The following NCAPG2 variants were observed in gnomAD, a reference collection of about 807,000 sequenced individuals.
NCAPG2 encodes the protein condensin-2 complex subunit G2.
A neutral mutation model predicts 141.1 loss-of-function variants in NCAPG2; 53 were observed. The ratio of observed to expected loss-of-function variants is 0.38; its 90% confidence interval spans 0.30 to 0.47. NCAPG2 has a LOEUF of 0.47. Ranked by LOEUF, NCAPG2 falls within the 20% of genes least tolerant of loss-of-function variation. NCAPG2 has a pLI of 0.99. For missense variants in NCAPG2, 1,087 were observed against 1,389.0 expected (o/e 0.78, Z 3.46); for synonymous variants, 499 against 490.7 (o/e 1.02, Z -0.22).
chr7:158,633,061 G>A lies in NCAPG2; in HGVS notation c.3381-1344C>T, dbSNP rs564158071. Among the ~76,000 whole-genome samples, 1 of 151,896 alleles carries A rather than the reference G, an allele frequency of 6.6e-6. No individual in the cohort carries two copies. The highest frequency in any genetic ancestry group is 1.5e-5 in the Non-Finnish European group (1 of 67,988). Reference sequence around the variant, plus strand: ...GAATCTTATCCATAATTATTTAGCTGTGATTTTTTTTTTCCATCAATCCAG... The same window carrying A: ...GAATCTTATCCATAATTATTTAGCTATGATTTTTTTTTTCCATCAATCCAG... On this transcript the variant is annotated intron_variant, in intron 27 of 27. Transcript: ENST00000356309. The surrounding 1 kb of genome is among the most constrained non-coding windows in gnomAD (Gnocchi z 4.1).
At chr7:158,637,221 G>GTT (rs2129455901) in intron 27 of NCAPG2, among the ~76,000 whole-genome samples, 1 of 152,208 alleles carries the variant, frequency 6.6e-6, no homozygotes, top group African/African-American at 2.4e-5. Context: ...TGCTGAGAGG[G>GTT]TTTCTTCTTA....
At chr7:158,631,815 C>G in intron 27 of NCAPG2, 98 bp from the exon 28 acceptor site, 1 of 1,016,196 alleles carries the variant, frequency 9.8e-7, no homozygotes, top group Non-Finnish European at 1.5e-6. Flanking sequence ...GGTTTGCAAC[C>G]ATGCATTTAA....
At chr7:158,672,134 G>C (rs1422878451) in intron 12 of NCAPG2, among the ~76,000 whole-genome samples, 3 of 151,906 alleles carry the variant, frequency 2.0e-5, no homozygotes, top group Non-Finnish European at 4.4e-5. Flanking sequence ...CCACGTAGCA[G>C]GTGGCACTCC....
At chr7:158,675,978 C>T (rs1380755766) in intron 11 of NCAPG2, among the ~76,000 whole-genome samples, 1 of 152,196 alleles carries the variant, frequency 6.6e-6, no homozygotes, top group Admixed American at 6.5e-5. Context: ...CCCACGTACA[C>T]CACGCTTTTG....
At chr7:158,657,513 C>T (rs112052358) in intron 17 of NCAPG2, among the ~76,000 whole-genome samples, 1,526 of 152,256 alleles carry the variant, frequency 0.01, 18 homozygotes, top group African/African-American at 0.031. Flanking sequence ...TTGAAAATCA[C>T]ATCCTTGAGG....
At position 158,662,245 on chromosome 7, in the gene NCAPG2, G is replaced by A. The variant is rs1465452329; in HGVS notation, c.1938C>T (p.Tyr646=). The A allele has an allele frequency of 1.9e-6, 3 of 1,609,820 alleles. No homozygotes were observed. Among genetic ancestry groups the A allele is most frequent in the Non-Finnish European group, 2.5e-6 (3 of 1,178,590 alleles). Residue 646 remains tyrosine, a synonymous_variant, in exon 16 of 28, where the codon TAC becomes TAT. Coordinates refer to ENST00000356309, the MANE Select transcript of NCAPG2 (RefSeq NM_017760.7). ...GCACAGAGGCAAACTTGTTAATCGT[G>A]TAAAGTTTGGCCTCTTTATTATTTT... ...SMENNKEAKL[Y]TINKFASVLP...
intron 7 of NCAPG2, 59 bp from the exon 8 acceptor site, chr7:158,686,300 GT>G: frequency 9.7e-7 from 1 of 1,028,474 alleles, no homozygotes; most frequent in South Asian, 1.7e-5. Context: ...CTTTCAACAT[GT>G]ATCATTTCAG....
chr7:158,662,028 G>A (rs1238104041), intron 16 of NCAPG2, among the ~76,000 whole-genome samples, 166 bp downstream of exon 16: 1 of 152,152 alleles, frequency 6.6e-6, no homozygotes, highest in African/African-American at 2.4e-5. Context: ...CCCTCAAGAG[G>A]GGCAACAGAA....
At chr7:158,652,564 T>A in intron 22 of NCAPG2, 84 bp from the exon 23 acceptor site, 1 of 1,083,908 alleles carries the variant, frequency 9.2e-7, no homozygotes, top group Non-Finnish European at 1.3e-6. Context: ...AACACATGTA[T>A]AAAATGGTAA....
At chr7:158,658,317 A>G (rs200358989) in intron 17 of NCAPG2, 21 bp downstream of exon 17, 1 of 1,594,486 alleles carries the variant, frequency 6.3e-7, no homozygotes, top group Non-Finnish European at 8.6e-7. Context: ...TTTCTACCGT[A>G]CCAAAAAACA....
At chr7:158,702,054 C>T (rs952258810) in intron 1 of NCAPG2, 116 bp from the exon 2 acceptor site, 17 of 577,482 alleles carry the variant, frequency 2.9e-5, no homozygotes, top group Non-Finnish European at 3.8e-5. Context: ...GTATGGCAGA[C>T]AGTTTCTAAA....
In NCAPG2 at chr7:158,671,430, G is replaced by A. The variant is rs966650346; in HGVS notation, c.1479+84C>T. ...ATCATATCAGTTATCAGTTTAAAAT[G>A]TGGAATTAAAACTACTTTCTTTCTG... On this transcript the variant is annotated intron_variant, in intron 13 of 27. Transcript: ENST00000356309. The A allele has an allele frequency of 2.0e-6, 3 of 1,487,252 alleles. No individual in the cohort carries two copies. In the African/African-American group the frequency reaches 4.2e-5, roughly 21 times the overall value. The allele number at this position is 1,487,252 out of a possible 1,614,324, so 92.1% of individuals were successfully genotyped here.
At chr7:158,693,056 C>T (rs1412146883) in intron 3 of NCAPG2, 100 bp from the exon 4 acceptor site, 1 of 904,842 alleles carries the variant, frequency 1.1e-6, no homozygotes, top group Non-Finnish European at 1.7e-6. Flanking sequence ...AATCAAGCCA[C>T]AATTCTAGCT....
chr7:158,638,253 G>C (rs1291016415), intron 27 of NCAPG2, among the ~76,000 whole-genome samples: 2 of 152,082 alleles, frequency 1.3e-5, no homozygotes, highest in African/African-American at 4.8e-5. Context: ...ATTGTTTTTT[G>C]TTTGTTTGCT....
intron 13 of NCAPG2, among the ~76,000 whole-genome samples, chr7:158,670,937 G>A (rs146655079): frequency 9.5e-4 from 145 of 152,272 alleles, no homozygotes; most frequent in Non-Finnish European, 1.9e-3. Flanking sequence ...AAATAATAAT[G>A]AAGTCAAGAA....
At chr7:158,649,671 A>G (rs545041611) in intron 24 of NCAPG2, among the ~76,000 whole-genome samples, 81 of 152,346 alleles carry the variant, frequency 5.3e-4, no homozygotes, top group Middle Eastern at 3.4e-3. Context: ...GATGTTTTAG[A>G]ATTTAGTTAA....
chr7:158,661,024 T>C (rs1171730518), intron 16 of NCAPG2, among the ~76,000 whole-genome samples: 1 of 152,198 alleles, frequency 6.6e-6, no homozygotes, highest in Non-Finnish European at 1.5e-5. Context: ...TGTGAGTCCA[T>C]TAAACCTCTT....
In NCAPG2 at chr7:158,666,535, G is replaced by A. The variant is rs954450189; in HGVS notation, c.1480-1785C>T. Among the ~76,000 whole-genome samples the A allele has an allele frequency of 3.3e-5, 5 of 151,462 alleles. 1 individual carries two copies. The highest frequency in any genetic ancestry group is 2.9e-5 in the Non-Finnish European group (2 of 67,962). ...GCAGGCTTAGAGTGATTAAGTACAA[G>A]ATCATAGCACTTTTATCTAGTCTGC... On this transcript the variant is annotated intron_variant, in intron 13 of 27. Transcript: ENST00000356309.
In NCAPG2 at chr7:158,683,285, T is replaced by C. The variant is rs1368734001; in HGVS notation, c.924+15A>G. The C allele has an allele frequency of 1.3e-6, 2 of 1,501,180 alleles. No individual in the cohort carries two copies. The highest frequency in any genetic ancestry group is 1.8e-6 in the Non-Finnish European group (2 of 1,119,352). The allele number at this position is 1,501,180 out of a possible 1,614,324, so 93.0% of individuals were successfully genotyped here. On this transcript the variant is annotated intron_variant, in intron 9 of 27. Transcript: ENST00000356309. ...AGGAAACATTATTTCAAAAACAATC[T>C]GTTCACAATCTTACCTCCCGCACTT... is the stretch of plus-strand genomic sequence containing the variant.
Sources: gnomAD v4.1 joint callset for allele counts (sites outside exome capture counted in the v4.1 genomes callset) on GRCh38, gnomAD v4.1.1 for gene constraint, Gnocchi (gnomAD v3.1) non-coding constraint, MANE v1.5 for transcripts, NCBI Gene and HGNC (gene_info 2026-07-23, HGNC 2026-07-21) for gene names.